The following GOLGA3 variants were observed in gnomAD, a reference collection of about 807,000 sequenced individuals.
The protein encoded by GOLGA3 is golgin subfamily A member 3.
Under a neutral mutation model 169.4 loss-of-function variants are expected in GOLGA3, and 75 were observed. The observed-to-expected ratio is 0.44, with a 90% confidence interval of 0.37 to 0.54. GOLGA3 has a LOEUF of 0.54. Among genes scored for constraint, GOLGA3 ranks in the 20% least tolerant of loss-of-function variants. The probability of loss-of-function intolerance (pLI) is 0.00; values close to 1 mark genes in which losing one functional copy is unlikely to be tolerated. For synonymous variants in GOLGA3, 824 were observed against 822.4 expected (o/e 1.00, Z -0.03); for missense variants, 1,899 against 1,930.0 (o/e 0.98, Z 0.30).
chr12:132,782,875 CAAAAAAAA>C (rs63295864), intron 16 of GOLGA3, among the ~76,000 whole-genome samples: 6 of 102,158 alleles, frequency 5.9e-5, no homozygotes, highest in Admixed American at 9.8e-5. Context: ...GACTCTGTCT[CAAAAAAAA>C]AAAAAAAAAG....
chr12:132,801,724 AC>A, intron 8 of GOLGA3, 42 bp downstream of exon 8: 1 of 1,545,226 alleles, frequency 6.5e-7, no homozygotes, highest in Non-Finnish European at 8.9e-7. Context: ...CTACATGAAG[AC>A]AAGAAGCGTG....
intron 4 of GOLGA3, 48 bp downstream of exon 4, chr12:132,813,259 C>T (rs1356210833): frequency 7.7e-7 from 1 of 1,302,414 alleles, no homozygotes; most frequent in East Asian, 2.3e-5. Flanking sequence ...ACAGTTGTCT[C>T]TGGCACAGGA....
intron 8 of GOLGA3, among the ~76,000 whole-genome samples, chr12:132,799,446 T>A (rs191819617): frequency 6.6e-6 from 1 of 152,304 alleles, no homozygotes; most frequent in Non-Finnish European, 1.5e-5. Flanking sequence ...AAAACCTGCT[T>A]AGGCAACATA....
chr12:132,809,794 G>A (rs1325770514), intron 4 of GOLGA3, among the ~76,000 whole-genome samples: 1 of 152,162 alleles, frequency 6.6e-6, no homozygotes, highest in Non-Finnish European at 1.5e-5. Context: ...ATCTATATCT[G>A]GTGTAACTAT....
chr12:132,774,876 C>G, intron 22 of GOLGA3: 1 of 527,210 alleles, frequency 1.9e-6, no homozygotes, highest in Non-Finnish European at 3.3e-6. Flanking sequence ...TGCCGAGTCA[C>G]AGACCACCGC....
intron 5 of GOLGA3, 110 bp downstream of exon 5, chr12:132,807,781 G>GGCCCCACCCATCTCTGCTACC (rs1949484742): frequency 9.6e-5 from 2 of 20,762 alleles, no homozygotes; most frequent in African/African-American, 4.3e-4. Context: ...CCCCTCTGTT[G>GGCCCCACCCATCTCTGCTACC]GCCCCACCCA....
Position 132,783,835 on chromosome 12 carries a change from C to T in GOLGA3, c.3267+329G>A, listed in dbSNP as rs539579845. 1.9e-4 allele frequency: 251 copies of T among 1,292,910 alleles called. No individual in the cohort carries two copies. In the East Asian group the frequency reaches 6.7e-3, roughly 34 times the overall value. 80.1% of individuals were successfully genotyped at this position (1,292,910 alleles called of 1,614,324 possible). ...TCATGATCCGCCCACCTCAGCCTCCCAAAGTGCTGGGATTACAGGCATGAG... is the reference window on the plus strand; with the variant it reads ...TCATGATCCGCCCACCTCAGCCTCCTAAAGTGCTGGGATTACAGGCATGAG... On this transcript the variant is annotated intron_variant, in intron 16 of 23. Coordinates refer to ENST00000450791, the MANE Select transcript of GOLGA3 (RefSeq NM_001389683.1).
At chr12:132,822,426 T>C (rs894045263) in intron 1 of GOLGA3, 115 bp from the exon 2 acceptor site, 5 of 585,248 alleles carry the variant, frequency 8.5e-6, no homozygotes, top group Admixed American at 8.4e-5. Flanking sequence ...ATACAAACTT[T>C]TTCATTCAGC....
In GOLGA3 at chr12:132,784,279, A is replaced by T. The variant is rs1160875913; in HGVS notation, c.3152T>A (p.Leu1051Gln). 4 of 1,609,950 alleles carry T rather than the reference A, an allele frequency of 2.5e-6. No homozygotes were observed. Residue 1051 changes from leucine to glutamine, a missense_variant, in exon 16 of 24, where the codon CTG (leucine) becomes CAG (glutamine). Transcript: ENST00000450791. The part of the protein sequence containing the change: ...HERIQALEAE[L>Q]QAVSHSKTLL... ...CGTCTTGCTATGACTGACAGCCTGC[A>T]GCTCCGCCTCCAGGGCCTGGATCCT...
intron 11 of GOLGA3, among the ~76,000 whole-genome samples, chr12:132,794,063 A>G (rs1401008666): frequency 6.6e-6 from 1 of 152,152 alleles, no homozygotes; most frequent in Non-Finnish European, 1.5e-5. Flanking sequence ...TTCCACACGC[A>G]TCATTCATCC....
chr12:132,789,127 A>C lies in GOLGA3; in HGVS notation c.2711T>G (p.Leu904Arg), dbSNP rs1195095258. ...KRTAEAELSR[L>R]HREVAQVRQH... ...ACGGACCTGGGCCACCTCTCTGTGC[A>C]GGCGCGAGAGCTCCGCCTCGGCAGT... Residue 904 changes from leucine (L) to arginine (R), a missense_variant, in exon 13 of 24, where the codon CTG becomes CGG. Leu to Arg is a moderately radical substitution (Grantham distance 102). Transcript: ENST00000450791. 6.2e-7 allele frequency: 1 copy of C among 1,613,316 alleles called. No individual in the cohort carries two copies. Among genetic ancestry groups the C allele is most frequent in the Admixed American group, 1.7e-5 (1 of 60,024 alleles).
chr12:132,804,817 G>A lies in GOLGA3; in HGVS notation c.1496C>T (p.Ala499Val), dbSNP rs138594544. ...CACCTGCAAGTCGTTGTTGGACGAC[G>A]CCAGGCTGGCATTTTTTGCCTCCAG... is the stretch of plus-strand genomic sequence containing the variant. The part of the protein sequence containing the change: ...NMLEAKNASL[A>V]SSNNDLQVAE... Residue 499 changes from alanine to valine, a missense_variant, in exon 7 of 24, where the codon GCG becomes GTG. By Grantham distance (64) the Ala-to-Val change is moderately conservative. Coordinates refer to ENST00000450791, the MANE Select transcript of GOLGA3 (RefSeq NM_001389683.1). The surrounding 1 kb of genome is among the most constrained non-coding windows in gnomAD (Gnocchi z 4.1). 4,185 of 1,614,194 alleles carry A rather than the reference G, an allele frequency of 2.6e-3. 8 individuals are homozygous for A. Among genetic ancestry groups the A allele is most frequent in the Non-Finnish European group, 3.2e-3 (3,801 of 1,180,012 alleles).
At chr12:132,788,944 G>GCCCCAGACACAGGCCCCA (rs2046075752) in intron 13 of GOLGA3, 83 bp downstream of exon 13, 2 of 186,858 alleles carry the variant, frequency 1.1e-5, no homozygotes, top group South Asian at 6.1e-5. Flanking sequence ...CACAGGCCCC[G>GCCCCAGACACAGGCCCCA]CCCCAGACAC....
rs148749626 is a variant in GOLGA3 at position 132,773,709 on chromosome 12, T to C, written c.4308-415A>G. On this transcript the variant is annotated intron_variant, in intron 23 of 23. Transcript: ENST00000450791. Reference sequence around the variant, plus strand: ...TCCACCTATGAGTTCACAGGCTGTGTGTGCGAGTTCCCCCACCTTTATATA... The same window carrying C: ...TCCACCTATGAGTTCACAGGCTGTGCGTGCGAGTTCCCCCACCTTTATATA... Among the ~76,000 whole-genome samples, 324 of 152,338 alleles carry C rather than the reference T, an allele frequency of 2.1e-3. 3 individuals carry two copies. Among genetic ancestry groups the C allele is most frequent in the African/African-American group, 7.6e-3 (318 of 41,580 alleles).
intron 17 of GOLGA3, among the ~76,000 whole-genome samples, chr12:132,781,845 C>A (rs2136309390): frequency 6.6e-6 from 1 of 152,196 alleles, no homozygotes; most frequent in East Asian, 1.9e-4. Flanking sequence ...GTTAAGTGCC[C>A]CCTACAAACA....
intron 6 of GOLGA3, among the ~76,000 whole-genome samples, chr12:132,805,942 G>C (rs966222268): frequency 1.3e-5 from 2 of 152,188 alleles, no homozygotes; most frequent in Admixed American, 1.3e-4. Flanking sequence ...AGGGAAAGGC[G>C]GCTGCCTAAG....
rs141773333 is a variant in GOLGA3 at position 132,796,084 on chromosome 12, T to G, written c.2237A>C (p.His746Pro). ...CAGCCTGGCCTGCAGCTCATCGTAGTGTGTCTGCAGGGCATCGAGGGACTG... is the reference window on the plus strand; with the variant it reads ...CAGCCTGGCCTGCAGCTCATCGTAGGGTGTCTGCAGGGCATCGAGGGACTG... The part of the protein sequence containing the change: ...REQSLDALQT[H>P]YDELQARLGE... The change falls in exon 11 of 24, where the codon CAC becomes CCC. Residue 746 changes from histidine (H) to proline (P), a missense_variant. His to Pro is a moderately conservative substitution (Grantham distance 77, BLOSUM62 -2). Transcript: ENST00000450791. 33 of 1,613,046 alleles carry G rather than the reference T, an allele frequency of 2.0e-5. No homozygotes were observed. The Middle Eastern group carries it at 1.2e-3, about 56-fold the overall frequency.
chr12:132,793,058 G>A (rs1473173415), intron 11 of GOLGA3, among the ~76,000 whole-genome samples: 6 of 36,674 alleles, frequency 1.6e-4, no homozygotes, highest in Non-Finnish European at 1.8e-4. Flanking sequence ...CACGGGACCC[G>A]CACTCGGAGG....
chr12:132,784,261 C>G lies in GOLGA3; in HGVS notation c.3170G>C (p.Ser1057Thr), dbSNP rs535515145. ...LEAELQAVSHSKTLLEKELQE... is the reference protein window; with the variant it reads ...LEAELQAVSHTKTLLEKELQE... ...CAGTTCCTTTTCCAGCAGCGTCTTG[C>G]TATGACTGACAGCCTGCAGCTCCGC... Residue 1057 changes from serine to threonine, a missense_variant, in exon 16 of 24, where the codon AGC becomes ACC. Ser to Thr is a moderately conservative substitution (Grantham distance 58). Coordinates refer to ENST00000450791, the MANE Select transcript of GOLGA3 (RefSeq NM_001389683.1). 46 of 1,610,864 alleles carry G rather than the reference C, an allele frequency of 2.9e-5. No homozygotes were observed. In the South Asian group the frequency reaches 5.1e-4, roughly 18 times the overall value.
Sources: gnomAD v4.1 joint callset for allele counts (sites outside exome capture counted in the v4.1 genomes callset) on GRCh38, gnomAD v4.1.1 for gene constraint, Gnocchi (gnomAD v3.1) non-coding constraint, MANE v1.5 for transcripts, NCBI Gene and HGNC (gene_info 2026-07-23, HGNC 2026-07-21) for gene names.